Variants in NCALD observed in about 807,000 individuals in gnomAD.
NCALD encodes the protein neurocalcin delta.
Under a neutral mutation model 18.6 loss-of-function variants are expected in NCALD, and 10 were observed. That is an observed-to-expected ratio of 0.54 (90% CI 0.33 to 0.91). The LOEUF is 0.91. Ranked by LOEUF, NCALD falls within the 40% of genes least tolerant of loss-of-function variation. NCALD has a pLI of 0.03. For missense variants in NCALD, 184 were observed against 247.6 expected, an observed-to-expected ratio of 0.74 and a Z score of 1.72; for synonymous variants, 88 against 87.4, an observed-to-expected ratio of 1.01 and a Z score of -0.04.
At chr8:101,763,685 T>C (rs1586435634) in intron 1 of NCALD, among the ~76,000 whole-genome samples, 1 of 152,164 alleles carries the variant, frequency 6.6e-6, no homozygotes, top group Non-Finnish European at 1.5e-5. Flanking sequence ...TTCAGTCAAC[T>C]GAAGGCCTGA....
At chr8:101,960,536 T>C (rs1051998031) in intron 2 of NCALD, among the ~76,000 whole-genome samples, 3 of 152,140 alleles carry the variant, frequency 2.0e-5, no homozygotes, top group African/African-American at 4.8e-5. Flanking sequence ...CAGCTCAGCA[T>C]GGGATTTGGA....
At chr8:101,991,548 C>T (rs538280240) in intron 2 of NCALD, among the ~76,000 whole-genome samples, 1 of 152,220 alleles carries the variant, frequency 6.6e-6, no homozygotes. Flanking sequence ...AGTACCAATT[C>T]ATGTGTCTGA....
At chr8:101,729,647 G>A (rs1450189903) in intron 1 of NCALD, among the ~76,000 whole-genome samples, 1 of 152,122 alleles carries the variant, frequency 6.6e-6, no homozygotes, top group East Asian at 1.9e-4. Flanking sequence ...GTGAGCAAGA[G>A]GCTCACTAGA....
At chr8:102,073,204 G>A (rs1404698167) in intron 1 of NCALD, among the ~76,000 whole-genome samples, 2 of 152,218 alleles carry the variant, frequency 1.3e-5, no homozygotes, top group African/African-American at 4.8e-5. Flanking sequence ...AGGAGGCTGA[G>A]GAAGGAGAAT....
intron 2 of NCALD, among the ~76,000 whole-genome samples, chr8:101,977,986 C>A (rs1334034667): frequency 6.6e-6 from 1 of 152,018 alleles, no homozygotes; most frequent in African/African-American, 2.4e-5. Flanking sequence ...CTCTCCTCTT[C>A]CTTCTCTCCG....
intron 2 of NCALD, among the ~76,000 whole-genome samples, chr8:101,716,903 G>A (rs567277926): frequency 3.9e-5 from 6 of 152,352 alleles, no homozygotes; most frequent in African/African-American, 1.4e-4. Context: ...GATGGATGAA[G>A]AGGGCCATCG....
chr8:102,030,645 T>C (rs968942070), intron 1 of NCALD, among the ~76,000 whole-genome samples: 1 of 151,798 alleles, frequency 6.6e-6, no homozygotes, highest in African/African-American at 2.4e-5. Flanking sequence ...ACTTTCGGAG[T>C]TGGGCGGATC....
chr8:101,863,895 A>C (rs1228407515), intron 4 of NCALD, among the ~76,000 whole-genome samples: 1 of 152,158 alleles, frequency 6.6e-6, no homozygotes. Context: ...TCACTTAGGG[A>C]GAGGAGCCTT....
chr8:101,693,684 G>A (rs1484053704), intron 2 of NCALD: 2 of 152,178 alleles, frequency 1.3e-5, no homozygotes, highest in African/African-American at 4.8e-5. Context: ...TCAGGCTAGA[G>A]AGGCAAGTGG....
rs189035561 is a variant in NCALD, at chr8:102,047,022, G to A, written c.-209-26733C>T. ...CAGCGTCTGTTGTTTCCTTCTTTGC[G>A]TTCACAGGTTCTTATCATTTAGCTC... On this transcript the variant is annotated intron_variant, in intron 1 of 6. Coordinates refer to the NCALD transcript ENST00000311028. 2.7e-3 allele frequency among the ~76,000 whole-genome samples: 408 copies of A among 152,102 alleles called. 1 individual carries two copies. The highest frequency in any genetic ancestry group is 3.4e-3 in the Middle Eastern group (1 of 294).
intron 2 of NCALD, among the ~76,000 whole-genome samples, chr8:101,924,622 G>C (rs1306120775): frequency 6.6e-6 from 1 of 152,114 alleles, no homozygotes; most frequent in Non-Finnish European, 1.5e-5. Flanking sequence ...CAACACAGCT[G>C]ACCATTTATA....
At chr8:102,004,719 A>G (rs1821626391) in intron 2 of NCALD, among the ~76,000 whole-genome samples, 1 of 152,104 alleles carries the variant, frequency 6.6e-6, no homozygotes, top group Non-Finnish European at 1.5e-5. Flanking sequence ...CCTCAGAAAT[A>G]ATGCCACATA....
intron 1 of NCALD, among the ~76,000 whole-genome samples, chr8:102,041,620 A>G (rs756265947): frequency 3.1e-4 from 47 of 152,372 alleles, no homozygotes; most frequent in South Asian, 2.5e-3. Context: ...AGGCTCTTTC[A>G]AAGCCAGTTT....
intron 2 of NCALD, among the ~76,000 whole-genome samples, chr8:101,959,881 C>T (rs527515130): frequency 4.3e-5 from 6 of 138,540 alleles, no homozygotes; most frequent in African/African-American, 1.6e-4. Flanking sequence ...CTGCAGACAC[C>T]TTTTCACCCC....
intron 2 of NCALD, among the ~76,000 whole-genome samples, chr8:102,007,082 C>A (rs895804195): frequency 6.6e-6 from 1 of 152,076 alleles, no homozygotes; most frequent in Non-Finnish European, 1.5e-5. Context: ...AAAAAACTAT[C>A]GCAGATCCAA....
intron 4 of NCALD, among the ~76,000 whole-genome samples, chr8:101,873,250 G>A (rs555163321): frequency 3.9e-5 from 6 of 152,202 alleles, no homozygotes; most frequent in Non-Finnish European, 8.8e-5. Flanking sequence ...GCCTTGGAAA[G>A]GGCTCCCTCA....
rs1401815076 is a variant in NCALD, at chr8:101,929,445, G to A, written c.-156-13587C>T. Reference sequence around the variant, plus strand: ...AGGGAGGAAGGAAGGAAGGAAAGGAGGGAGGGAGGGAGGAAGGAAGAAAAG... The same window carrying A: ...AGGGAGGAAGGAAGGAAGGAAAGGAAGGAGGGAGGGAGGAAGGAAGAAAAG... On this transcript the variant is annotated intron_variant, in intron 2 of 6. Transcript: ENST00000311028. Among the ~76,000 whole-genome samples, 9 of 56,454 alleles carry A rather than the reference G, an allele frequency of 1.6e-4. No homozygotes were observed. In the East Asian group the frequency reaches 4.6e-3, roughly 29 times the overall value. 37.0% of individuals were successfully genotyped at this position (56,454 alleles called of 152,430 possible).
intron 1 of NCALD, among the ~76,000 whole-genome samples, chr8:101,769,719 A>T (rs1027780589): frequency 3.0e-4 from 46 of 151,664 alleles, no homozygotes; most frequent in African/African-American, 1.0e-3. Flanking sequence ...AAGGTTAAAA[A>T]CTCTTCCTAA....
chr8:101,832,362 G>A (rs16868494), intron 4 of NCALD, among the ~76,000 whole-genome samples: 3,173 of 152,194 alleles, frequency 0.021, 85 homozygotes, highest in African/African-American at 0.07. Context: ...CACACTGGAC[G>A]GAGCATTTGA....
Sources: gnomAD v4.1 joint callset for allele counts (sites outside exome capture counted in the v4.1 genomes callset) on GRCh38, gnomAD v4.1.1 for gene constraint, MANE v1.5 for transcripts, NCBI Gene and HGNC (gene_info 2026-07-23, HGNC 2026-07-21) for gene names.